SAMM50: variants seen among roughly 807,000 people sequenced by gnomAD.
The protein encoded by SAMM50 is sorting and assembly machinery component 50 homolog.
In SAMM50, 47 loss-of-function variants were observed where a neutral mutation model predicts 66.9. The ratio of observed to expected loss-of-function variants is 0.70; its 90% confidence interval spans 0.56 to 0.90. The LOEUF (loss-of-function observed/expected upper bound fraction) is 0.90. SAMM50 is among the 40% of genes least tolerant of loss of function. The pLI is 0.00. For missense variants in SAMM50, 535 were observed against 595.3 expected (o/e 0.90, Z 1.05); for synonymous variants, 191 against 214.1 (o/e 0.89, Z 0.94).
chr22:43,960,332 G>T (rs1355260929), intron 1 of SAMM50, among the ~76,000 whole-genome samples: 1 of 152,152 alleles, frequency 6.6e-6, no homozygotes, highest in African/African-American at 2.4e-5. Context: ...CCAGCACACA[G>T]TGGACTTTCA....
chr22:43,990,362 G>A lies in SAMM50; in HGVS notation c.1320G>A (p.Leu440=), dbSNP rs2050317206. The A allele has an allele frequency of 4.3e-6, 7 of 1,614,180 alleles. No individual in the cohort carries two copies. Among genetic ancestry groups the A allele is most frequent in the African/African-American group, 4.0e-5 (3 of 75,040 alleles). The change falls in exon 14 of 15, where the codon TTG becomes TTA. Residue 440 remains leucine, a synonymous_variant. Transcript: ENST00000350028. ...TCAGGCTTGGCAACATCGCTCGGTTGGAACTTAATTACTGCGTCCCCATGG... is the reference window on the plus strand; with the variant it reads ...TCAGGCTTGGCAACATCGCTCGGTTAGAACTTAATTACTGCGTCCCCATGG... ...IVLRLGNIAR[L]ELNYCVPMGV... is the part of the protein sequence containing the mutation.
In SAMM50 at chr22:43,976,050, T is replaced by C. The variant is rs2050229739; in HGVS notation, c.649-5T>C. 3 of 1,607,574 alleles carry C rather than the reference T, an allele frequency of 1.9e-6. No homozygotes were observed. The highest frequency in any genetic ancestry group is 1.3e-5 in the African/African-American group (1 of 74,856). Reference sequence around the variant, plus strand: ...CCGGAAAGATGTCTGATCTCCATGTTGCAGTTTCCCATATGGAAGACCAGC... The same window carrying C: ...CCGGAAAGATGTCTGATCTCCATGTCGCAGTTTCCCATATGGAAGACCAGC... On this transcript the variant is annotated splice_region_variant and splice_polypyrimidine_tract_variant and intron_variant, in intron 7 of 14. Transcript: ENST00000350028.
chr22:43,976,361 C>T (rs1252327051), intron 8 of SAMM50, among the ~76,000 whole-genome samples, 178 bp downstream of exon 8: 4 of 152,142 alleles, frequency 2.6e-5, no homozygotes, highest in South Asian at 2.1e-4. Context: ...TGGTCCTTTC[C>T]GAATAATGTC....
Position 43,993,373 on chromosome 22 carries a change from C to T in SAMM50, c.1365-2965C>T, listed in dbSNP as rs536352890. On this transcript the variant is annotated intron_variant, in intron 14 of 14. Transcript: ENST00000350028. ...GTCAGTGTGCCCTGAGAAGTCAACG[C>T]GGCTTTTAGGAGCTCTGTTGAATTG... Among the ~76,000 whole-genome samples, 172 of 152,328 alleles carry T rather than the reference C, an allele frequency of 1.1e-3. 1 individual carries two copies. The South Asian group carries it at 0.029, about 26-fold the overall frequency.
intron 7 of SAMM50, among the ~76,000 whole-genome samples, chr22:43,973,601 A>G (rs1001373691): frequency 1.3e-5 from 2 of 152,120 alleles, no homozygotes; most frequent in African/African-American, 2.4e-5. Flanking sequence ...ACAGTTTCTC[A>G]TAGTCAGCAG....
intron 1 of SAMM50, among the ~76,000 whole-genome samples, chr22:43,955,937 C>A (rs531018104): frequency 6.6e-6 from 1 of 152,226 alleles, no homozygotes; most frequent in Non-Finnish European, 1.5e-5. Context: ...CTGGTCACTT[C>A]CAGCCTTTCC....
intron 10 of SAMM50, 102 bp downstream of exon 10, chr22:43,978,060 C>G: frequency 3.9e-6 from 3 of 767,792 alleles, no homozygotes; most frequent in Non-Finnish European, 6.5e-6. Context: ...AGAGTGGAAG[C>G]CTGGGCGGTA....
chr22:43,996,447 GTC>G lies in SAMM50; in HGVS notation c.*69_*70del. The G allele has an allele frequency of 6.8e-7, 1 of 1,467,852 alleles. No homozygotes were observed. The highest frequency in any genetic ancestry group is 1.1e-5 in the South Asian group (1 of 88,216). The allele number at this position is 1,467,852 out of a possible 1,614,324, so 90.9% of individuals were successfully genotyped here. On this transcript the variant is annotated 3_prime_UTR_variant, in exon 15 of 15. Coordinates refer to ENST00000350028, the MANE Select transcript of SAMM50 (RefSeq NM_015380.5). ...CAGCAAGGCGCCCATGCCACACACC[GTC>G]TCTCGAGGAAACGCGGTTCAGCGAT...
intron 12 of SAMM50, chr22:43,986,244 G>A (rs1249783048): frequency 6.6e-6 from 1 of 151,762 alleles, no homozygotes; most frequent in Non-Finnish European, 1.5e-5. Flanking sequence ...GTTTCTCCAT[G>A]TTGGCCAGGC....
chr22:43,957,202 A>G (rs757784042), intron 1 of SAMM50: 41 of 685,462 alleles, frequency 6.0e-5, no homozygotes, highest in Non-Finnish European at 8.6e-5. Context: ...TCCTGGCGGC[A>G]AATCAAACAA....
intron 1 of SAMM50, among the ~76,000 whole-genome samples, chr22:43,957,996 G>A (rs945895165): frequency 4.6e-5 from 7 of 151,530 alleles, no homozygotes; most frequent in Admixed American, 2.0e-4. Context: ...CTTGTGATCC[G>A]CCTGCCTCGG....
At chr22:43,965,216 A>T (rs999136295) in intron 3 of SAMM50, among the ~76,000 whole-genome samples, 318 of 150,622 alleles carry the variant, frequency 2.1e-3, no homozygotes, top group African/African-American at 7.3e-3. Flanking sequence ...TCTTTTTTCA[A>T]TTTTTTTTAG....
At chr22:43,957,409 G>C (rs900296699) in intron 1 of SAMM50, 1 of 374,206 alleles carries the variant, frequency 2.7e-6, no homozygotes, top group Non-Finnish European at 4.9e-6. Flanking sequence ...AAGGCAACTT[G>C]ATTAATGGTT....
chr22:43,956,180 C>T (rs980134157), intron 1 of SAMM50, among the ~76,000 whole-genome samples: 16 of 152,150 alleles, frequency 1.1e-4, no homozygotes, highest in East Asian at 5.8e-4. Flanking sequence ...TGCCTGGCGC[C>T]TGACTAACTG....
At chr22:43,982,512 A>G (rs910213228) in intron 11 of SAMM50, among the ~76,000 whole-genome samples, 2 of 152,246 alleles carry the variant, frequency 1.3e-5, no homozygotes, top group Non-Finnish European at 2.9e-5. Flanking sequence ...GCCAGCCACC[A>G]AAACAGTGAC....
At chr22:43,964,587 G>A (rs368287563) in intron 3 of SAMM50, 34 bp downstream of exon 3, 169 of 1,181,674 alleles carry the variant, frequency 1.4e-4, no homozygotes, top group South Asian at 5.7e-4. Flanking sequence ...TGCTTTCCCA[G>A]TCTCTTCTGA....
chr22:43,979,834 C>G (rs2050253212), intron 10 of SAMM50, among the ~76,000 whole-genome samples: 1 of 151,868 alleles, frequency 6.6e-6, no homozygotes, highest in African/African-American at 2.4e-5. Context: ...AAGGCATTGG[C>G]TCACCCTGAC....
intron 4 of SAMM50, among the ~76,000 whole-genome samples, 176 bp from the exon 5 acceptor site, chr22:43,972,060 C>T (rs1379357685): frequency 6.6e-6 from 1 of 152,042 alleles, no homozygotes; most frequent in African/African-American, 2.4e-5. Context: ...TAGAGGTGTG[C>T]AATATTTTGA....
At chr22:43,963,073 C>G (rs1215277037) in intron 1 of SAMM50, 1 of 369,412 alleles carries the variant, frequency 2.7e-6, no homozygotes, top group Non-Finnish European at 4.9e-6. Context: ...TATTTAGTGA[C>G]CACCAGTGAG....
Sources: gnomAD v4.1 joint callset for allele counts (sites outside exome capture counted in the v4.1 genomes callset) on GRCh38, gnomAD v4.1.1 for gene constraint, MANE v1.5 for transcripts, NCBI Gene and HGNC (gene_info 2026-07-23, HGNC 2026-07-21) for gene names.